Variants in CORO2B observed in about 807,000 individuals in gnomAD.
The protein encoded by CORO2B is coronin 2B.
A neutral mutation model predicts 58.8 loss-of-function variants in CORO2B; 26 were observed. The observed-to-expected ratio is 0.44, with a 90% CI of 0.32 to 0.61. CORO2B has a LOEUF of 0.61. CORO2B is among the 20% of genes least tolerant of loss of function. The pLI, the probability that CORO2B is intolerant of heterozygous loss-of-function variation, is 0.04. For synonymous variants in CORO2B, 242 were observed against 253.8 expected, an observed-to-expected ratio of 0.95 and a Z score of 0.44; for missense variants, 460 against 645.1, an observed-to-expected ratio of 0.71 and a Z score of 3.11.
chr15:68,608,874 C>G (rs1468288237), intron 1 of CORO2B, among the ~76,000 whole-genome samples: 1 of 152,184 alleles, frequency 6.6e-6, no homozygotes, highest in Non-Finnish European at 1.5e-5. Context: ...ACTGTGTTTG[C>G]TATTTCAGCC....
chr15:68,715,252 A>T lies in CORO2B; in HGVS notation c.908A>T (p.Glu303Val), dbSNP rs751017249. 7 of 1,614,048 alleles carry T rather than the reference A, an allele frequency of 4.3e-6. No homozygotes were observed. In the South Asian group the frequency reaches 6.6e-5, roughly 15 times the overall value. Reference protein sequence around the residue: ...GNIRYYEISTEKPYLSYLMEF... With the variant: ...GNIRYYEISTVKPYLSYLMEF... ...ATCCGGTACTACGAGATCAGCACTG[A>T]GAAGCCCTACCTGAGTTACCTCATG... is the stretch of plus-strand genomic sequence containing the variant. Residue 303 changes from glutamate (E) to valine (V), a missense_variant, in exon 8 of 12, where the codon GAG becomes GTG. Glu to Val is a moderately radical substitution (Grantham distance 121). This residue lies in a region of CORO2B where 352 missense variants were observed against 543.0 expected (regional missense o/e 0.65). Transcript: ENST00000261861.
upstream of CORO2B, among the ~76,000 whole-genome samples, chr15:68,575,429 C>G (rs1335070706): frequency 3.3e-5 from 2 of 59,972 alleles, no homozygotes. Context: ...CCTCCGCCTC[C>G]CAAGTTCAAG....
At chr15:68,566,205 C>T in the CORO2B span, among the ~76,000 whole-genome samples, 4 of 152,300 alleles carry the variant, frequency 2.6e-5, no homozygotes, top group Middle Eastern at 0.014. Flanking sequence ...CCCTGTTTTA[C>T]AGTGGAGATG....
chr15:68,590,990 G>C (rs1468942022), intron 1 of CORO2B, among the ~76,000 whole-genome samples: 1 of 152,224 alleles, frequency 6.6e-6, no homozygotes, highest in Admixed American at 6.5e-5. Context: ...AATTTGCTGA[G>C]CCCTGTGTGC....
At chr15:68,624,131 A>G (rs1900608037) in intron 1 of CORO2B, among the ~76,000 whole-genome samples, 1 of 152,188 alleles carries the variant, frequency 6.6e-6, no homozygotes, top group Non-Finnish European at 1.5e-5. Context: ...GATAAAAAAT[A>G]AAGCCAGCTG....
intron 1 of CORO2B, among the ~76,000 whole-genome samples, chr15:68,642,381 A>T (rs1049012197): frequency 2.0e-5 from 3 of 151,888 alleles, no homozygotes; most frequent in Non-Finnish European, 4.4e-5. Flanking sequence ...AAGAGCAGAG[A>T]ACTGGGCACT....
intron 2 of CORO2B, among the ~76,000 whole-genome samples, chr15:68,675,979 T>TATAGA (rs59214666): frequency 6.6e-6 from 1 of 152,012 alleles, no homozygotes; most frequent in Non-Finnish European, 1.5e-5. Flanking sequence ...TGGAATAGAA[T>TATAGA]ATAGAATAGA....
At chr15:68,581,615 G>A (rs1429255469) in intron 1 of CORO2B, among the ~76,000 whole-genome samples, 1 of 152,188 alleles carries the variant, frequency 6.6e-6, no homozygotes, top group Non-Finnish European at 1.5e-5. Flanking sequence ...GATCTCTAGG[G>A]CCTCTTCTGC....
chr15:68,573,355 G>A, the CORO2B span, among the ~76,000 whole-genome samples: 1 of 152,148 alleles, frequency 6.6e-6, no homozygotes, highest in Non-Finnish European at 1.5e-5. Flanking sequence ...ACAGAGAGAT[G>A]AGAAGGGCAG....
At chr15:68,586,636 T>G (rs1341368584) in intron 1 of CORO2B, among the ~76,000 whole-genome samples, 1 of 152,164 alleles carries the variant, frequency 6.6e-6, no homozygotes, top group South Asian at 2.1e-4. Context: ...AGAAGCTAAG[T>G]CACCTGTAAA....
chr15:68,537,919 G>A, the CORO2B span, among the ~76,000 whole-genome samples: 2 of 152,178 alleles, frequency 1.3e-5, no homozygotes, highest in African/African-American at 4.8e-5. Flanking sequence ...AGAATACATG[G>A]TTGGAGCTTA....
intron 2 of CORO2B, among the ~76,000 whole-genome samples, chr15:68,692,840 T>G (rs11636615): frequency 0.93 from 140,303 of 151,468 alleles, 65,272 homozygotes; most frequent in East Asian, 1. Context: ...CTCCATGTTG[T>G]CTAGACTGGT....
chr15:68,704,093 A>C (rs889958687), intron 3 of CORO2B, among the ~76,000 whole-genome samples: 1 of 150,896 alleles, frequency 6.6e-6, no homozygotes, highest in Admixed American at 6.6e-5. Flanking sequence ...TACAAATATT[A>C]GCTGGTCATG....
the CORO2B span, among the ~76,000 whole-genome samples, chr15:68,563,223 C>A: frequency 1.3e-5 from 2 of 151,984 alleles, no homozygotes; most frequent in East Asian, 3.9e-4. Context: ...CACCATGGCT[C>A]ACACCTATAA....
the CORO2B span, among the ~76,000 whole-genome samples, chr15:68,570,567 T>G: frequency 2.6e-5 from 4 of 152,172 alleles, no homozygotes; most frequent in Admixed American, 1.3e-4. Flanking sequence ...GCCCACAAAG[T>G]GAGCTGATCA....
chr15:68,661,497 C>T (rs1248992642), intron 2 of CORO2B, among the ~76,000 whole-genome samples: 1 of 152,212 alleles, frequency 6.6e-6, no homozygotes, highest in Non-Finnish European at 1.5e-5. Flanking sequence ...TGTACAAAGA[C>T]TACCAGCTGG....
At chr15:68,723,757 T>G (rs1893224860) in intron 11 of CORO2B, among the ~76,000 whole-genome samples, 1 of 152,072 alleles carries the variant, frequency 6.6e-6, no homozygotes, top group Non-Finnish European at 1.5e-5. Flanking sequence ...GGCCGATACC[T>G]TCTTTAAACC....
At chr15:68,578,737 G>A (rs1899336664), upstream of CORO2B, among the ~76,000 whole-genome samples, 2 of 152,084 alleles carry the variant, frequency 1.3e-5, no homozygotes, top group African/African-American at 4.8e-5. The surrounding 1 kb of genome is among the most constrained non-coding windows in gnomAD (Gnocchi z 4.2). Flanking sequence ...CCAGCCGGCA[G>A]GTGCCGGGAG....
In CORO2B at chr15:68,710,821, G is replaced by A; in HGVS notation, c.423G>A (p.Gly141=). The change falls in exon 4 of 12, where the codon GGG becomes GGA. Residue 141 remains glycine, a synonymous_variant. Transcript: ENST00000261861. The surrounding 1 kb of genome is among the most constrained non-coding windows in gnomAD (Gnocchi z 4.1). ...LELHGHSRRV[G]LVEWHPTTNN... is the part of the protein sequence containing the mutation. Reference sequence around the variant, plus strand: ...TGCACGGGCACAGCCGGCGTGTGGGGCTGGTCGAGTGGCACCCCACCACCA... The same window carrying A: ...TGCACGGGCACAGCCGGCGTGTGGGACTGGTCGAGTGGCACCCCACCACCA... 1 of 1,611,812 alleles carries A rather than the reference G, an allele frequency of 6.2e-7. No individual in the cohort carries two copies. Among genetic ancestry groups the A allele is most frequent in the Non-Finnish European group, 8.5e-7 (1 of 1,179,206 alleles).
Sources: gnomAD v4.1 joint callset for allele counts (sites outside exome capture counted in the v4.1 genomes callset) on GRCh38, gnomAD v4.1.1 for gene constraint, gnomAD v4.1.1 regional missense constraint, Gnocchi (gnomAD v3.1) non-coding constraint, MANE v1.5 for transcripts, NCBI Gene and HGNC (gene_info 2026-07-23, HGNC 2026-07-21) for gene names.